ISLR2: variants seen among roughly 807,000 people sequenced by gnomAD.
ISLR2 encodes the protein immunoglobulin superfamily containing leucine rich repeat 2, also known as immunoglobulin superfamily containing leucine-rich repeat protein 2.
Under a neutral mutation model 25.5 loss-of-function variants are expected in ISLR2, and 16 were observed. The observed-to-expected ratio is 0.63, with a 90% CI of 0.43 to 0.95. ISLR2 has a LOEUF of 0.95. ISLR2 is among the 40% of genes least tolerant of loss of function. ISLR2 has a pLI of 0.00. For missense variants in ISLR2, 883 were observed against 1,030.7 expected (o/e 0.86, Z 1.96); for synonymous variants, 508 against 486.6 (o/e 1.04, Z -0.58).
At chr15:74,119,670 T>G (rs2072237658) in intron 2 of ISLR2, among the ~76,000 whole-genome samples, 1 of 152,260 alleles carries the variant, frequency 6.6e-6, no homozygotes, top group Non-Finnish European at 1.5e-5. Flanking sequence ...TAACTTGATT[T>G]AATCATTTCA....
At position 74,133,883 on chromosome 15, in the gene ISLR2, C is replaced by G; in HGVS notation, c.1129C>G (p.Pro377Ala). The G allele has an allele frequency of 6.2e-7, 1 of 1,609,698 alleles. No homozygotes were observed. The highest frequency in any genetic ancestry group is 1.1e-5 in the South Asian group (1 of 90,442). The change falls in exon 3 of 3, where the codon CCC (proline) becomes GCC (alanine). Residue 377 changes from proline to alanine, a missense_variant. Physicochemically the swap from Pro to Ala is conservative, Grantham distance 27. Coordinates refer to ENST00000453268, the MANE Select transcript of ISLR2 (RefSeq NM_020851.3). ...ACGCGTGGCGGTGGCAGCAACCGGG[C>G]CCCCAAAACACGCGCCTGGCGCCGG... ...SIRVAVAATGPPKHAPGAGGE... is the reference protein window; with the variant it reads ...SIRVAVAATGAPKHAPGAGGE...
upstream of ISLR2, chr15:74,126,344 G>C (rs985382027): frequency 6.9e-6 from 1 of 144,168 alleles, no homozygotes; most frequent in African/African-American, 2.8e-5. Context: ...GAAAAGCATA[G>C]GTATTTTTTT....
Position 74,134,765 on chromosome 15 carries a change from G to A in ISLR2, c.2011G>A (p.Asp671Asn), listed in dbSNP as rs998241566. 8.7e-6 allele frequency: 14 copies of A among 1,614,014 alleles called. No individual in the cohort carries two copies. The highest frequency in any genetic ancestry group is 1.2e-5 in the Non-Finnish European group (14 of 1,179,936). The stretch of plus-strand genomic sequence containing the variant: ...CGAGGCGGGCGGCGAGGAGCCAGAG[G>A]ACGTGCAGGGGGAGGGCCTTGATGA... ...GGEAGGEEPE[D>N]VQGEGLDEDA... Residue 671 changes from aspartate (D) to asparagine (N), a missense_variant, in exon 3 of 3, where the codon GAC becomes AAC. By Grantham distance (23) the Asp-to-Asn change is conservative. This residue lies in a region of ISLR2 where 612 missense variants were observed against 642.8 expected (regional missense o/e 0.95). Transcript: ENST00000453268.
chr15:74,139,118 C>T (rs1286867540), downstream of ISLR2, among the ~76,000 whole-genome samples: 20 of 152,208 alleles, frequency 1.3e-4, no homozygotes, highest in Admixed American at 1.3e-3. Flanking sequence ...TGTCCAGGGC[C>T]ACGTATCCTA....
chr15:74,107,981 A>G (rs2072134612), intron 2 of ISLR2, among the ~76,000 whole-genome samples: 1 of 152,146 alleles, frequency 6.6e-6, no homozygotes, highest in Non-Finnish European at 1.5e-5. Flanking sequence ...GTTGAGGTAA[A>G]CAGGAGAGCC....
At chr15:74,141,125 G>A (rs959232214), downstream of ISLR2, among the ~76,000 whole-genome samples, 3 of 152,196 alleles carry the variant, frequency 2.0e-5, no homozygotes, top group Admixed American at 6.5e-5. Flanking sequence ...AAGACAGGAC[G>A]ATTTTGAAAA....
chr15:74,107,437 T>C, intron 2 of ISLR2, among the ~76,000 whole-genome samples: 1 of 152,132 alleles, frequency 6.6e-6, no homozygotes, highest in Admixed American at 6.5e-5. Context: ...CCTCAGGGGC[T>C]TGTGGCAGAT....
rs1174092180 is a variant in ISLR2 at position 74,133,234 on chromosome 15, T to C, written c.480T>C (p.Arg160=). The change falls in exon 3 of 3, where the codon CGT becomes CGC. Residue 160 remains arginine, a synonymous_variant. Transcript: ENST00000453268. ...TGCGCATCAACAACAACCGGCTGCG[T>C]ACGCTGGCGCCTGGCACCTTCGACG... is the stretch of plus-strand genomic sequence containing the variant. ...RSLRINNNRL[R]TLAPGTFDAL... is the part of the protein sequence containing the mutation. 2 of 1,612,620 alleles carry C rather than the reference T, an allele frequency of 1.2e-6. No individual in the cohort carries two copies. The highest frequency in any genetic ancestry group is 1.7e-6 in the Non-Finnish European group (2 of 1,180,004).
chr15:74,127,434 G>A (rs994071720), upstream of ISLR2: 1 of 152,230 alleles, frequency 6.6e-6, no homozygotes, highest in Admixed American at 6.5e-5. Context: ...GAGACGCCCT[G>A]GGCACTGGAA....
chr15:74,119,896 G>A (rs2072239629), intron 2 of ISLR2, among the ~76,000 whole-genome samples: 1 of 152,184 alleles, frequency 6.6e-6, no homozygotes, highest in Admixed American at 6.5e-5. Flanking sequence ...ATCTTACACA[G>A]CAAGTCACTG....
chr15:74,132,652 G>T lies in ISLR2; in HGVS notation c.-8-95G>T. On this transcript the variant is annotated intron_variant, in intron 2 of 2. Coordinates refer to ENST00000453268, the MANE Select transcript of ISLR2 (RefSeq NM_020851.3). The surrounding 1 kb of genome is among the most constrained non-coding windows in gnomAD (Gnocchi z 4.3). ...AGGTTACCGGAGCCCTGGAACTAGT[G>T]CTAAACGGGCTTGCGGAGGCACAGC... 23 of 1,472,682 alleles carry T rather than the reference G, an allele frequency of 1.6e-5. No homozygotes were observed. Among genetic ancestry groups the T allele is most frequent in the Non-Finnish European group, 2.1e-5 (23 of 1,109,576 alleles). 91.2% of individuals were successfully genotyped at this position (1,472,682 alleles called of 1,614,324 possible).
upstream of ISLR2, among the ~76,000 whole-genome samples, chr15:74,124,659 C>T (rs528472540): frequency 2.0e-5 from 3 of 151,814 alleles, no homozygotes; most frequent in South Asian, 2.1e-4. Flanking sequence ...CTCGGGAGGC[C>T]GAGGCAGGAG....
chr15:74,129,847 C>G (rs991493236), upstream of ISLR2: 16 of 152,428 alleles, frequency 1.0e-4, no homozygotes, highest in African/African-American at 3.6e-4. The surrounding 1 kb of genome is among the most constrained non-coding windows in gnomAD (Gnocchi z 4.5). Context: ...GAGAAATGCT[C>G]GGGCCTGAAG....
At chr15:74,137,587 A>T (rs2072583300), downstream of ISLR2, among the ~76,000 whole-genome samples, 2 of 152,154 alleles carry the variant, frequency 1.3e-5, no homozygotes, top group Non-Finnish European at 2.9e-5. Flanking sequence ...AAGAAAGGAG[A>T]CTGTGCTCCT....
chr15:74,127,706 G>A (rs1036594566), upstream of ISLR2: 2 of 152,490 alleles, frequency 1.3e-5, no homozygotes, highest in African/African-American at 2.4e-5. Flanking sequence ...GCTTCCAGCA[G>A]GGGGCGCGCG....
intron 2 of ISLR2, among the ~76,000 whole-genome samples, chr15:74,106,470 C>T (rs989900833): frequency 6.6e-6 from 1 of 152,134 alleles, no homozygotes; most frequent in Non-Finnish European, 1.5e-5. Context: ...CTCTCCAGCC[C>T]ACAGGAGTGC....
chr15:74,139,112 C>A (rs2072596894), downstream of ISLR2, among the ~76,000 whole-genome samples: 1 of 152,202 alleles, frequency 6.6e-6, no homozygotes. Context: ...CCTCTTTGTC[C>A]AGGGCCACGT....
At chr15:74,131,099 TG>T (rs1820041634) in intron 1 of ISLR2, 107 bp from the exon 2 acceptor site, 1 of 151,864 alleles carries the variant, frequency 6.6e-6, no homozygotes, top group Non-Finnish European at 1.5e-5. Flanking sequence ...GCCAGAGAGG[TG>T]GGGGAAACGG....
rs1261831199 is a variant in ISLR2 at position 74,134,137 on chromosome 15, C to G, written c.1383C>G (p.Asn461Lys). The G allele has an allele frequency of 8.7e-6, 14 of 1,613,530 alleles. No individual in the cohort carries two copies. Among genetic ancestry groups the G allele is most frequent in the Non-Finnish European group, 1.2e-5 (14 of 1,179,846 alleles). ...CGGCGGAGGAGCAGCGCTGTGGCAACGGGGACCCCTCTCGGTACGTTTCTA... is the reference window on the plus strand; with the variant it reads ...CGGCGGAGGAGCAGCGCTGTGGCAAGGGGGACCCCTCTCGGTACGTTTCTA... ...ADPAEEQRCG[N>K]GDPSRYVSNH... Residue 461 changes from asparagine to lysine, a missense_variant, in exon 3 of 3, where the codon AAC (asparagine) becomes AAG (lysine). Transcript: ENST00000453268.
Sources: gnomAD v4.1 joint callset for allele counts (sites outside exome capture counted in the v4.1 genomes callset) on GRCh38, gnomAD v4.1.1 for gene constraint, gnomAD v4.1.1 regional missense constraint, Gnocchi (gnomAD v3.1) non-coding constraint, MANE v1.5 for transcripts, NCBI Gene and HGNC (gene_info 2026-07-23, HGNC 2026-07-21) for gene names.